The following CACNA1B variants were observed in gnomAD, a reference collection of about 807,000 sequenced individuals.
The protein encoded by CACNA1B is calcium voltage-gated channel subunit alpha1 B.
Under a neutral mutation model 247.2 loss-of-function variants are expected in CACNA1B, and 70 were observed. The ratio of observed to expected loss-of-function variants is 0.28; its 90% CI spans 0.23 to 0.35. The LOEUF is 0.35. Among genes scored for constraint, CACNA1B ranks in the 10% least tolerant of loss-of-function variants. The probability of loss-of-function intolerance (pLI) is 1.00; values close to 1 mark genes in which losing one functional copy is unlikely to be tolerated. For missense variants in CACNA1B, 2,367 were observed against 3,197.4 expected, an observed-to-expected ratio of 0.74 and a Z score of 6.26; for synonymous variants, 1,231 against 1,294.4, an observed-to-expected ratio of 0.95 and a Z score of 1.05.
In CACNA1B at chr9:137,957,076, T is replaced by C. The variant is rs1331857643; in HGVS notation, c.1243+249T>C. 6.6e-6 allele frequency among the ~76,000 whole-genome samples: 1 copy of C among 152,078 alleles called. No individual in the cohort carries two copies. The highest frequency in any genetic ancestry group is 1.5e-5 in the Non-Finnish European group (1 of 67,998). The stretch of plus-strand genomic sequence containing the variant: ...GGGGTGCTGCTGCTCCCAGAGACCA[T>C]GGGAGGGCTCATGGCACAACCTGGG... On this transcript the variant is annotated intron_variant, in intron 9 of 46. Coordinates refer to ENST00000371372, the MANE Select transcript of CACNA1B (RefSeq NM_000718.4). The surrounding 1 kb of genome is among the most constrained non-coding windows in gnomAD (Gnocchi z 4.7).
Position 138,022,808 on chromosome 9 carries a change from G to T in CACNA1B, c.2268-203G>T, listed in dbSNP as rs536188029. ...TTGCGGGTCCTGTGGGACACCGTGG[G>T]GGGGGGGGGCGGCGGGGCTGAATTC... On this transcript the variant is annotated intron_variant, in intron 18 of 46. Coordinates refer to ENST00000371372, the MANE Select transcript of CACNA1B (RefSeq NM_000718.4). 8.1e-3 allele frequency among the ~76,000 whole-genome samples: 564 copies of T among 69,536 alleles called. 4 individuals are homozygous for T. The African/African-American group carries it at 0.093, about 12-fold the overall frequency. 45.6% of individuals were successfully genotyped at this position (69,536 alleles called of 152,430 possible).
Position 137,914,931 on chromosome 9 carries a change from T to C in CACNA1B, c.775+125T>C, listed in dbSNP as rs1248662925. On this transcript the variant is annotated intron_variant, in intron 5 of 46. Coordinates refer to ENST00000371372, the MANE Select transcript of CACNA1B (RefSeq NM_000718.4). The surrounding 1 kb of genome is among the most constrained non-coding windows in gnomAD (Gnocchi z 4.3). Reference sequence around the variant, plus strand: ...CAGATACATGAGGTGGAGCTGACATTCTAGTGGGGGACATAGACGATAGCC... The same window carrying C: ...CAGATACATGAGGTGGAGCTGACATCCTAGTGGGGGACATAGACGATAGCC... 5.2e-6 allele frequency: 5 copies of C among 962,734 alleles called. No individual in the cohort carries two copies. The Admixed American group carries it at 1.2e-4, about 22-fold the overall frequency. The allele number at this position is 962,734 out of a possible 1,614,324, so 59.6% of individuals were successfully genotyped here.
chr9:137,966,785 G>A (rs139151435), intron 10 of CACNA1B, among the ~76,000 whole-genome samples: 1,635 of 152,138 alleles, frequency 0.011, 37 homozygotes, highest in African/African-American at 0.036. Flanking sequence ...TGATCCGCCC[G>A]CCTTGGCCTC....
At position 138,072,522 on chromosome 9, in the gene CACNA1B, G is replaced by C. The variant is rs139521382; in HGVS notation, c.4675-966G>C. On this transcript the variant is annotated intron_variant, in intron 32 of 46. Transcript: ENST00000371372. The surrounding 1 kb of genome is among the most constrained non-coding windows in gnomAD (Gnocchi z 4.5). ...TCTGACAACACGAACGTGTCTCTGA[G>C]CCTGAGCTGCTTGCATATTTTAAAA... is the stretch of plus-strand genomic sequence containing the variant. 6.6e-6 allele frequency among the ~76,000 whole-genome samples: 1 copy of C among 152,250 alleles called. No individual in the cohort carries two copies. Among genetic ancestry groups the C allele is most frequent in the African/African-American group, 2.4e-5 (1 of 41,472 alleles).
At chr9:137,956,653 CAAAAAA>C in intron 8 of CACNA1B, 112 bp from the exon 9 acceptor site, 19 of 500,996 alleles carry the variant, frequency 3.8e-5, no homozygotes, top group South Asian at 7.3e-5. Context: ...GACTCCATCT[CAAAAAA>C]AAAAAAAAAA....
At chr9:137,939,887 A>G (rs189295271) in intron 6 of CACNA1B, among the ~76,000 whole-genome samples, 1 of 152,030 alleles carries the variant, frequency 6.6e-6, no homozygotes, top group Admixed American at 6.6e-5. Context: ...GACAGTAGTG[A>G]CGCAACCTAC....
intron 3 of CACNA1B, chr9:137,892,511 G>A: frequency 2.7e-6 from 1 of 376,256 alleles, no homozygotes; most frequent in Non-Finnish European, 5.3e-6. Context: ...TCCTCTGACT[G>A]TGGGTCCTTT....
chr9:137,924,060 C>T (rs2133294702), intron 6 of CACNA1B, among the ~76,000 whole-genome samples: 1 of 152,264 alleles, frequency 6.6e-6, no homozygotes, highest in African/African-American at 2.4e-5. Flanking sequence ...AGTAGCTTAT[C>T]TTTTCATACT....
chr9:138,119,402 C>T (rs1430104554), intron 44 of CACNA1B, among the ~76,000 whole-genome samples: 3 of 152,082 alleles, frequency 2.0e-5, no homozygotes, highest in East Asian at 3.9e-4. Context: ...TCCGAGGCCT[C>T]GGAGGAGCTG....
chr9:138,002,313 A>G (rs1311242339), intron 15 of CACNA1B, among the ~76,000 whole-genome samples: 1 of 152,200 alleles, frequency 6.6e-6, no homozygotes, highest in Non-Finnish European at 1.5e-5. Flanking sequence ...GGCTTTCCGT[A>G]TGAAAAAAAT....
rs974309299 is a variant in CACNA1B at position 138,042,224 on chromosome 9, C to T, written c.3287-1550C>T. 1.1e-4 allele frequency among the ~76,000 whole-genome samples: 16 copies of T among 152,154 alleles called. 1 individual carries two copies. The highest frequency in any genetic ancestry group is 2.9e-5 in the Non-Finnish European group (2 of 68,028). On this transcript the variant is annotated intron_variant, in intron 20 of 46. Coordinates refer to ENST00000371372, the MANE Select transcript of CACNA1B (RefSeq NM_000718.4). ...CAGCAGTTTGGGAGGCCAAGAAGGG[C>T]GGATCATTTGAGGTCAGAAGTTTGA...
At chr9:137,933,709 A>G (rs556888631) in intron 6 of CACNA1B, among the ~76,000 whole-genome samples, 4 of 152,208 alleles carry the variant, frequency 2.6e-5, no homozygotes, top group Non-Finnish European at 2.9e-5. Flanking sequence ...AAACAAAACC[A>G]ACAGTCCTTT....
chr9:138,110,321 G>A (rs1260231471), intron 39 of CACNA1B, among the ~76,000 whole-genome samples: 1 of 152,002 alleles, frequency 6.6e-6, no homozygotes, highest in South Asian at 2.1e-4. Context: ...CACCATGTTG[G>A]CCAGGCTGGT....
intron 6 of CACNA1B, among the ~76,000 whole-genome samples, chr9:137,920,780 A>G (rs933274472): frequency 6.6e-6 from 1 of 152,236 alleles, no homozygotes; most frequent in African/African-American, 2.4e-5. Context: ...ATGCTAGCAC[A>G]AACAGGCCTT....
rs1957424918 is a variant in CACNA1B at position 137,917,472 on chromosome 9, G to A, written c.966+41G>A. ...GCCCTGGGCCTGAGGGCAGGCCCTGGACCTCCTGAGCTGGTGCCTCTGGGG... is the reference window on the plus strand; with the variant it reads ...GCCCTGGGCCTGAGGGCAGGCCCTGAACCTCCTGAGCTGGTGCCTCTGGGG... On this transcript the variant is annotated intron_variant, in intron 6 of 46. Transcript: ENST00000371372. The surrounding 1 kb of genome is among the most constrained non-coding windows in gnomAD (Gnocchi z 5.5). The A allele has an allele frequency of 3.8e-6, 6 of 1,575,400 alleles. No homozygotes were observed. Among genetic ancestry groups the A allele is most frequent in the Non-Finnish European group, 5.2e-6 (6 of 1,152,336 alleles).
intron 36 of CACNA1B, among the ~76,000 whole-genome samples, chr9:138,086,959 C>G (rs1960712341): frequency 6.7e-6 from 1 of 150,348 alleles, no homozygotes; most frequent in Non-Finnish European, 1.5e-5. Flanking sequence ...GAAATTGTAT[C>G]AAGTATTTTT....
At chr9:138,024,558 C>T (rs1170935409) in intron 19 of CACNA1B, among the ~76,000 whole-genome samples, 1 of 152,172 alleles carries the variant, frequency 6.6e-6, no homozygotes, top group South Asian at 2.1e-4. Flanking sequence ...AGTAGCAGAG[C>T]AGGTGGTTAT....
chr9:137,890,249 T>TCCCAGGAG (rs1957078872), intron 3 of CACNA1B: 1 of 149,160 alleles, frequency 6.7e-6, no homozygotes, highest in African/African-American at 2.4e-5. Flanking sequence ...CAAGGGAGGG[T>TCCCAGGAG]TGGCCTCTCT....
Position 138,023,394 on chromosome 9 carries a change from A to AGCGGCC in CACNA1B, c.2660_2665dup (p.Arg887_Pro888dup). The AGCGGCC allele has an allele frequency of 1.5e-6, 2 of 1,343,282 alleles. No homozygotes were observed. Among genetic ancestry groups the AGCGGCC allele is most frequent in the Non-Finnish European group, 1.9e-6 (2 of 1,053,196 alleles). The allele number at this position is 1,343,282 out of a possible 1,614,324, so 83.2% of individuals were successfully genotyped here. On this transcript the variant is annotated inframe_insertion, in exon 19 of 47. Coordinates refer to ENST00000371372, the MANE Select transcript of CACNA1B (RefSeq NM_000718.4). ...AGCGGGGAGCCCGGTGCCCGGGAGG[A>AGCGGCC]GCGGCCGCGGCCGCACCGCAGCCAC...
Sources: gnomAD v4.1 joint callset for allele counts (sites outside exome capture counted in the v4.1 genomes callset) on GRCh38, gnomAD v4.1.1 for gene constraint, Gnocchi (gnomAD v3.1) non-coding constraint, MANE v1.5 for transcripts, NCBI Gene and HGNC (gene_info 2026-07-23, HGNC 2026-07-21) for gene names.